The following EPHA6 variants were observed in gnomAD, a reference collection of about 807,000 sequenced individuals.
EPHA6 encodes the protein EPH receptor A6, also known as ephrin type-A receptor 6.
Under a neutral mutation model 112.0 loss-of-function variants are expected in EPHA6, and 50 were observed. The ratio of observed to expected loss-of-function variants is 0.45; its 90% confidence interval spans 0.36 to 0.56. EPHA6 has a LOEUF of 0.56. EPHA6 is among the 20% of genes least tolerant of loss of function. EPHA6 has a pLI of 0.00. For missense variants in EPHA6, 1,280 were observed against 1,417.4 expected (o/e 0.90, Z 1.56); for synonymous variants, 529 against 490.7 (o/e 1.08, Z -1.03).
At chr3:97,242,733 C>T (rs986876526) in intron 4 of EPHA6, among the ~76,000 whole-genome samples, 4 of 151,634 alleles carry the variant, frequency 2.6e-5, no homozygotes, top group East Asian at 3.9e-4. Context: ...TTTCTAGGAG[C>T]GAATGCTAGG....
chr3:97,700,163 T>C (rs957901864), intron 14 of EPHA6, among the ~76,000 whole-genome samples: 1 of 152,230 alleles, frequency 6.6e-6, no homozygotes. Flanking sequence ...ATGAGCTGTA[T>C]GGAGAAAACA....
At chr3:97,067,458 G>A (rs2046211907) in intron 3 of EPHA6, among the ~76,000 whole-genome samples, 1 of 151,948 alleles carries the variant, frequency 6.6e-6, no homozygotes, top group Non-Finnish European at 1.5e-5. Context: ...ATTTGGATCT[G>A]ATGCTGAAAA....
chr3:96,833,645 A>G (rs1159002639), intron 1 of EPHA6, among the ~76,000 whole-genome samples: 15 of 152,050 alleles, frequency 9.9e-5, no homozygotes, highest in Admixed American at 9.8e-4. Flanking sequence ...CTAGCTGAAG[A>G]AAGTTAAACC....
chr3:97,650,482 A>G (rs1332422771), intron 14 of EPHA6, among the ~76,000 whole-genome samples: 2 of 152,094 alleles, frequency 1.3e-5, no homozygotes, highest in Non-Finnish European at 2.9e-5. Context: ...AAAACAAATG[A>G]AAAAGATTTT....
intron 2 of EPHA6, among the ~76,000 whole-genome samples, chr3:96,981,536 A>G (rs78055374): frequency 3.3e-5 from 5 of 152,006 alleles, no homozygotes; most frequent in East Asian, 1.9e-4. Flanking sequence ...TGTCTCTGCG[A>G]GGCTTTAGTA....
intron 11 of EPHA6, among the ~76,000 whole-genome samples, chr3:97,585,131 A>G (rs1384232448): frequency 6.6e-6 from 1 of 152,228 alleles, no homozygotes; most frequent in Admixed American, 6.5e-5. Context: ...GGGAAAATAC[A>G]TGCTTCATTC....
chr3:97,120,638 A>G (rs113610629), intron 3 of EPHA6, among the ~76,000 whole-genome samples: 1 of 151,960 alleles, frequency 6.6e-6, no homozygotes. Flanking sequence ...AAAAATTCCT[A>G]TTTCTTTTAT....
intron 3 of EPHA6, among the ~76,000 whole-genome samples, chr3:97,012,410 C>T (rs938072092): frequency 6.6e-5 from 10 of 151,162 alleles, no homozygotes; most frequent in Non-Finnish European, 1.5e-4. Flanking sequence ...TTGACATCTC[C>T]GACTCTGGGC....
At chr3:97,572,190 G>A (rs561252606) in intron 11 of EPHA6, among the ~76,000 whole-genome samples, 13 of 128,932 alleles carry the variant, frequency 1.0e-4, no homozygotes, top group South Asian at 2.4e-4. Context: ...TCGCTCTGTC[G>A]CCCAGGCTGG....
At chr3:96,958,294 AG>A (rs2041838157) in intron 2 of EPHA6, among the ~76,000 whole-genome samples, 2 of 151,040 alleles carry the variant, frequency 1.3e-5, no homozygotes, top group Non-Finnish European at 2.9e-5. Flanking sequence ...CTGTCCCTAA[AG>A]AAAAAAAAAA....
In EPHA6 at chr3:96,866,906, G is replaced by GA; in HGVS notation, c.450+22dup. The stretch of plus-strand genomic sequence containing the variant: ...TTAAATGGGGTAAGTTTAAATATCT[G>GA]AAAAATTGCTGTCTTTTTTAGATTT... On this transcript the variant is annotated intron_variant, in intron 2 of 17. Coordinates refer to ENST00000389672, the MANE Select transcript of EPHA6 (RefSeq NM_001080448.3). 7.1e-7 allele frequency: 1 copy of GA among 1,401,866 alleles called. No individual in the cohort carries two copies. The highest frequency in any genetic ancestry group is 1.5e-5 in the African/African-American group (1 of 67,588). The allele number at this position is 1,401,866 out of a possible 1,614,324, so 86.8% of individuals were successfully genotyped here. A position where few individuals can be genotyped will look rare whatever the true frequency, so the allele number is the denominator to read the frequency against.
At chr3:97,097,922 A>G (rs1473772617) in intron 3 of EPHA6, among the ~76,000 whole-genome samples, 1 of 151,942 alleles carries the variant, frequency 6.6e-6, no homozygotes, top group African/African-American at 2.4e-5. Context: ...TATGATTAAC[A>G]ATGCCACAGT....
intron 7 of EPHA6, among the ~76,000 whole-genome samples, chr3:97,468,551 A>T (rs1198951720): frequency 6.2e-5 from 9 of 145,916 alleles, no homozygotes; most frequent in Admixed American, 2.0e-4. Context: ...TATAATACTA[A>T]GTTGACTATT....
At chr3:97,091,450 T>C (rs1169290565) in intron 3 of EPHA6, among the ~76,000 whole-genome samples, 1 of 152,142 alleles carries the variant, frequency 6.6e-6, no homozygotes, top group African/African-American at 2.4e-5. Flanking sequence ...TAAATTAGAC[T>C]AAGTGGAAAA....
chr3:97,647,025 C>A (rs995508660), intron 14 of EPHA6, among the ~76,000 whole-genome samples: 1 of 152,174 alleles, frequency 6.6e-6, no homozygotes, highest in African/African-American at 2.4e-5. Flanking sequence ...GAACAAAACT[C>A]AGTCTGTCCC....
intron 3 of EPHA6, among the ~76,000 whole-genome samples, chr3:97,186,348 G>T (rs534891224): frequency 4.8e-4 from 73 of 152,078 alleles, no homozygotes; most frequent in African/African-American, 1.7e-3. Context: ...ACTATTCTCA[G>T]AAGTACAGCT....
At chr3:97,711,527 T>G (rs1175924628) in intron 14 of EPHA6, among the ~76,000 whole-genome samples, 1 of 152,180 alleles carries the variant, frequency 6.6e-6, no homozygotes, top group Admixed American at 6.5e-5. Flanking sequence ...TAATGCAGTT[T>G]TAACCCAAAG....
At position 97,574,926 on chromosome 3, in the gene EPHA6, T is replaced by C. The variant is rs140576459; in HGVS notation, c.2387-17686T>C. On this transcript the variant is annotated intron_variant, in intron 11 of 17. Coordinates refer to ENST00000389672, the MANE Select transcript of EPHA6 (RefSeq NM_001080448.3). The stretch of plus-strand genomic sequence containing the variant: ...ACCTATTGGGTACTATATTCACTAT[T>C]TGGGTGATGGGGTCACTGCAAGCCC... Among the ~76,000 whole-genome samples, 11 of 152,128 alleles carry C rather than the reference T, an allele frequency of 7.2e-5. No homozygotes were observed. In the East Asian group the frequency reaches 2.1e-3, roughly 29 times the overall value.
At chr3:97,423,110 C>G (rs143226068) in intron 6 of EPHA6, among the ~76,000 whole-genome samples, 1 of 152,178 alleles carries the variant, frequency 6.6e-6, no homozygotes, top group African/African-American at 2.4e-5. Flanking sequence ...AGGATGCCTA[C>G]TCTAACCATG....
Sources: allele counts gnomAD v4.1 joint callset (sites outside exome capture counted in the v4.1 genomes callset), GRCh38; gene constraint gnomAD v4.1.1; transcripts MANE v1.5; gene names NCBI Gene and HGNC (gene_info 2026-07-23, HGNC 2026-07-21).